Variants in PTPRF observed in about 807,000 individuals in gnomAD.
The protein encoded by PTPRF is receptor-type tyrosine-protein phosphatase F.
Under a neutral mutation model 201.8 loss-of-function variants are expected in PTPRF, and 59 were observed. The observed-to-expected ratio is 0.29, with a 90% CI of 0.24 to 0.36. The LOEUF is 0.36. Among genes scored for constraint, PTPRF ranks in the 10% least tolerant of loss-of-function variants. The pLI, the probability that PTPRF is intolerant of heterozygous loss-of-function variation, is 1.00. For synonymous variants in PTPRF, 1,088 were observed against 1,089.7 expected (o/e 1.00, Z 0.03); for missense variants, 2,132 against 2,690.5 (o/e 0.79, Z 4.59).
At chr1:43,615,784 T>C (rs1657701185) in intron 23 of PTPRF, among the ~76,000 whole-genome samples, 1 of 152,010 alleles carries the variant, frequency 6.6e-6, no homozygotes, top group African/African-American at 2.4e-5. Flanking sequence ...GCCAGGATGG[T>C]CTCGATCTCC....
chr1:43,577,193 AC>A (rs1570212214), intron 6 of PTPRF, among the ~76,000 whole-genome samples: 2 of 148,672 alleles, frequency 1.3e-5, no homozygotes, highest in Admixed American at 1.3e-4. Context: ...CCCCACCCAC[AC>A]CCCCCTGCCT....
Position 43,603,771 on chromosome 1 carries a change from T to C in PTPRF, c.2619T>C (p.Asp873=). ...ARPNTIDFGK[D]DQHFTVTGLH... Reference sequence around the variant, plus strand: ...CCAACACCATAGATTTCGGCAAGGATGACCAGCACTTCACAGTCACCGGCC... The same window carrying C: ...CCAACACCATAGATTTCGGCAAGGACGACCAGCACTTCACAGTCACCGGCC... Residue 873 remains aspartate (D), a synonymous_variant, in exon 16 of 34, where the codon GAT becomes GAC. Coordinates refer to ENST00000359947, the MANE Select transcript of PTPRF (RefSeq NM_002840.5). The surrounding 1 kb of genome is among the most constrained non-coding windows in gnomAD (Gnocchi z 5.8). 1 of 1,614,014 alleles carries C rather than the reference T, an allele frequency of 6.2e-7. No homozygotes were observed. Among genetic ancestry groups the C allele is most frequent in the Non-Finnish European group, 8.5e-7 (1 of 1,180,018 alleles).
At chr1:43,617,281 A>G (rs1209544368) in intron 23 of PTPRF, among the ~76,000 whole-genome samples, 164 bp from the exon 24 acceptor site, 1 of 152,012 alleles carries the variant, frequency 6.6e-6, no homozygotes, top group Non-Finnish European at 1.5e-5. Flanking sequence ...GTGATGTGGC[A>G]ACCTGTGAGC....
chr1:43,554,854 TTTC>T lies in PTPRF; in HGVS notation c.379+916_379+918del, dbSNP rs1381062283. 2.1e-5 allele frequency among the ~76,000 whole-genome samples: 3 copies of T among 143,828 alleles called. No individual in the cohort carries two copies. The highest frequency in any genetic ancestry group is 2.1e-4 in the South Asian group (1 of 4,664). The allele number at this position is 143,828 out of a possible 152,430, so 94.4% of individuals were successfully genotyped here. A position where few individuals can be genotyped will look rare whatever the true frequency, so the allele number is the denominator to read the frequency against. Reference sequence around the variant, plus strand: ...TGCTTTTTTTTCTTTTCTTTCTTTCTTTCTTTTTTTTTTTTTGAGATGCAGTCT... The same window carrying T: ...TGCTTTTTTTTCTTTTCTTTCTTTCTTTTTTTTTTTTTTGAGATGCAGTCT... On this transcript the variant is annotated intron_variant, in intron 5 of 33. Coordinates refer to ENST00000359947, the MANE Select transcript of PTPRF (RefSeq NM_002840.5). The surrounding 1 kb of genome is among the most constrained non-coding windows in gnomAD (Gnocchi z 4.1).
intron 7 of PTPRF, among the ~76,000 whole-genome samples, chr1:43,586,725 T>G (rs1426154330): frequency 6.6e-6 from 1 of 152,232 alleles, no homozygotes; most frequent in African/African-American, 2.4e-5. Flanking sequence ...TGTCTGTTTC[T>G]GAGCTCTCCT....
intron 30 of PTPRF, 35 bp from the exon 31 acceptor site, chr1:43,620,419 C>T (rs1425524767): frequency 1.3e-6 from 2 of 1,587,310 alleles, no homozygotes; most frequent in Non-Finnish European, 8.6e-7. Flanking sequence ...TATTCCTTCT[C>T]ACCTGATTAT....
At chr1:43,570,528 G>A (rs1214842232) in intron 6 of PTPRF, among the ~76,000 whole-genome samples, 3 of 152,238 alleles carry the variant, frequency 2.0e-5, no homozygotes, top group Non-Finnish European at 2.9e-5. Context: ...GGTTGGCCTC[G>A]GGCAGGATGG....
At chr1:43,595,864 G>A (rs1055530496) in intron 11 of PTPRF, among the ~76,000 whole-genome samples, 2 of 152,150 alleles carry the variant, frequency 1.3e-5, no homozygotes, top group Non-Finnish European at 2.9e-5. Flanking sequence ...GAGGTCTGGG[G>A]AGCATGGAGG....
chr1:43,583,408 G>C (rs1287315103), intron 7 of PTPRF, among the ~76,000 whole-genome samples: 2 of 152,230 alleles, frequency 1.3e-5, no homozygotes, highest in East Asian at 3.8e-4. Flanking sequence ...CCCAGGCCGG[G>C]CCAGCTGTCT....
chr1:43,547,286 A>C (rs1644740975), intron 3 of PTPRF, among the ~76,000 whole-genome samples: 1 of 152,236 alleles, frequency 6.6e-6, no homozygotes, highest in Admixed American at 6.5e-5. Context: ...GAGAACCTCC[A>C]TGCTGGTTCC....
chr1:43,608,409 C>T (rs1368757779), intron 21 of PTPRF, among the ~76,000 whole-genome samples: 3 of 152,190 alleles, frequency 2.0e-5, no homozygotes, highest in Admixed American at 6.5e-5. Context: ...GGAGGGATGA[C>T]GCTTTGACCA....
chr1:43,545,501 C>T (rs866529067), intron 3 of PTPRF, among the ~76,000 whole-genome samples: 7 of 152,104 alleles, frequency 4.6e-5, no homozygotes, highest in Admixed American at 2.6e-4. Flanking sequence ...GCTGAAGGCA[C>T]AGTGTGAGCT....
At chr1:43,566,200 G>C (rs188589653) in intron 5 of PTPRF, among the ~76,000 whole-genome samples, 10 of 152,328 alleles carry the variant, frequency 6.6e-5, no homozygotes, top group Admixed American at 1.3e-4. Flanking sequence ...CGCTGGGGCT[G>C]GGGGCCTACC....
intron 21 of PTPRF, among the ~76,000 whole-genome samples, chr1:43,607,170 C>G (rs778031962): frequency 6.6e-6 from 1 of 152,222 alleles, no homozygotes; most frequent in Non-Finnish European, 1.5e-5. Context: ...GAGGGAGCCT[C>G]TGCAGCAGCC....
At chr1:43,523,410 G>C, upstream of PTPRF, among the ~76,000 whole-genome samples, 1 of 152,170 alleles carries the variant, frequency 6.6e-6, no homozygotes, top group South Asian at 2.1e-4. Context: ...GAAAGGCCAA[G>C]GCATGGGCGT....
intron 7 of PTPRF, among the ~76,000 whole-genome samples, chr1:43,586,512 C>G (rs980406016): frequency 1.6e-4 from 24 of 152,362 alleles, no homozygotes; most frequent in Admixed American, 1.4e-3. Flanking sequence ...CCGGGATCCA[C>G]CTGTTCTGCC....
chr1:43,616,301 ACT>A (rs1211039249), intron 23 of PTPRF, among the ~76,000 whole-genome samples: 1 of 151,394 alleles, frequency 6.6e-6, no homozygotes, highest in Non-Finnish European at 1.5e-5. Flanking sequence ...TGCCAGGCAC[ACT>A]GTGGGTCCTC....
intron 8 of PTPRF, among the ~76,000 whole-genome samples, chr1:43,590,213 T>G (rs1650309127): frequency 6.6e-6 from 1 of 152,144 alleles, no homozygotes; most frequent in Non-Finnish European, 1.5e-5. Flanking sequence ...TTTCCTTCCC[T>G]CATCACCGCA....
upstream of PTPRF, among the ~76,000 whole-genome samples, chr1:43,522,072 G>T (rs1289324754): frequency 6.6e-6 from 1 of 152,134 alleles, no homozygotes; most frequent in African/African-American, 2.4e-5. Context: ...ACTCTTCCAA[G>T]AACATGGCCT....
Sources: gnomAD v4.1 joint callset for allele counts (sites outside exome capture counted in the v4.1 genomes callset) on GRCh38, gnomAD v4.1.1 for gene constraint, Gnocchi (gnomAD v3.1) non-coding constraint, MANE v1.5 for transcripts, NCBI Gene and HGNC (gene_info 2026-07-23, HGNC 2026-07-21) for gene names.